The following ADAMTSL2 variants were observed in gnomAD, a reference collection of about 807,000 sequenced individuals.
ADAMTSL2 encodes the protein ADAMTS-like protein 2.
Under a neutral mutation model 117.0 loss-of-function variants are expected in ADAMTSL2, and 55 were observed. The observed-to-expected ratio is 0.47, with a 90% CI of 0.38 to 0.59. ADAMTSL2 has a LOEUF of 0.59. Among genes scored for constraint, ADAMTSL2 ranks in the 20% least tolerant of loss-of-function variants. ADAMTSL2 has a pLI of 0.00. For synonymous variants in ADAMTSL2, 572 were observed against 566.4 expected, an observed-to-expected ratio of 1.01 and a Z score of -0.14; for missense variants, 1,182 against 1,354.5, an observed-to-expected ratio of 0.87 and a Z score of 2.00.
At position 133,558,110 on chromosome 9, in the gene ADAMTSL2, C is replaced by T. The variant is rs34361617; in HGVS notation, c.1649+2180C>T. On this transcript the variant is annotated intron_variant, in intron 11 of 18. Coordinates refer to ENST00000651351, the MANE Select transcript of ADAMTSL2 (RefSeq NM_014694.4). The surrounding 1 kb of genome is among the most constrained non-coding windows in gnomAD (Gnocchi z 4.3). ...GTTGACTCTTACCCTCCCCTCTTAGCCCCCCGCCCCAGGATATATTGAATT... is the reference window on the plus strand; with the variant it reads ...GTTGACTCTTACCCTCCCCTCTTAGTCCCCCGCCCCAGGATATATTGAATT... Among the ~76,000 whole-genome samples, 3 of 152,176 alleles carry T rather than the reference C, an allele frequency of 2.0e-5. No homozygotes were observed. The highest frequency in any genetic ancestry group is 2.1e-4 in the South Asian group (1 of 4,830).
chr9:133,571,125 A>ACCCTGAGG (rs1831096722), intron 17 of ADAMTSL2, among the ~76,000 whole-genome samples: 1 of 152,046 alleles, frequency 6.6e-6, no homozygotes, highest in South Asian at 2.1e-4. Flanking sequence ...GAGCCCTCCC[A>ACCCTGAGG]CCCTGAGGCC....
intron 9 of ADAMTSL2, among the ~76,000 whole-genome samples, chr9:133,551,239 C>T (rs898660487): frequency 5.9e-5 from 9 of 152,264 alleles, no homozygotes; most frequent in South Asian, 2.1e-4. Flanking sequence ...CAGGGCATGC[C>T]GACCCATCTC....
intron 10 of ADAMTSL2, 50 bp from the exon 11 acceptor site, chr9:133,555,508 C>A: frequency 6.2e-7 from 1 of 1,611,306 alleles, no homozygotes; most frequent in Non-Finnish European, 8.5e-7. Context: ...GCAGCCCTTG[C>A]CCCCAGGGCT....
At chr9:133,556,983 C>T (rs1830617345) in intron 11 of ADAMTSL2, among the ~76,000 whole-genome samples, 2 of 152,184 alleles carry the variant, frequency 1.3e-5, no homozygotes, top group Non-Finnish European at 2.9e-5. Flanking sequence ...GAGGCAGGCA[C>T]GGGCTCACTG....
At chr9:133,570,061 T>G (rs1380594796) in intron 16 of ADAMTSL2, among the ~76,000 whole-genome samples, 3 of 152,260 alleles carry the variant, frequency 2.0e-5, no homozygotes, top group Non-Finnish European at 4.4e-5. Context: ...TGTTTTCTGC[T>G]AAATTGATTT....
intron 9 of ADAMTSL2, among the ~76,000 whole-genome samples, chr9:133,549,606 A>G (rs1830436442): frequency 6.9e-6 from 1 of 145,160 alleles, no homozygotes; most frequent in South Asian, 2.2e-4. Flanking sequence ...GCTGGTCTCG[A>G]ACTCTAGGCC....
chr9:133,568,003 C>A (rs1361917146), intron 13 of ADAMTSL2, among the ~76,000 whole-genome samples: 4 of 152,236 alleles, frequency 2.6e-5, no homozygotes, highest in African/African-American at 9.6e-5. Flanking sequence ...TGTGACACAG[C>A]AGGGCACGAA....
chr9:133,568,260 G>A lies in ADAMTSL2; in HGVS notation c.1875-13G>A, dbSNP rs929937751. ...TGGGGGGGATCATTGAAGGCCATCC[G>A]CTCCCGGGGCAGGTGGGAGACGAGC... On this transcript the variant is annotated splice_polypyrimidine_tract_variant and intron_variant, in intron 13 of 18. Transcript: ENST00000651351. 1.2e-5 allele frequency: 18 copies of A among 1,554,272 alleles called. No individual in the cohort carries two copies. Among genetic ancestry groups the A allele is most frequent in the Middle Eastern group, 1.8e-4 (1 of 5,628 alleles).
intron 12 of ADAMTSL2, among the ~76,000 whole-genome samples, chr9:133,565,386 C>T (rs370622195): frequency 2.1e-4 from 32 of 152,298 alleles, no homozygotes; most frequent in African/African-American, 7.5e-4. Context: ...AGGCCTGCCG[C>T]GTTTCCACTC....
Position 133,558,737 on chromosome 9 carries a change from G to A in ADAMTSL2, c.1650-2461G>A, listed in dbSNP as rs1830662717. 6.6e-6 allele frequency among the ~76,000 whole-genome samples: 1 copy of A among 152,218 alleles called. No individual in the cohort carries two copies. Among genetic ancestry groups the A allele is most frequent in the East Asian group, 1.9e-4 (1 of 5,198 alleles). ...CAGCTCTGACTTTCACAGCTGAGAG[G>A]GGCAGTGACTTCCTTCCAGATGGAG... On this transcript the variant is annotated intron_variant, in intron 11 of 18. Coordinates refer to ENST00000651351, the MANE Select transcript of ADAMTSL2 (RefSeq NM_014694.4). This position sits in a 1 kb window ranked among gnomAD's most constrained non-coding sequence, Gnocchi z 4.3.
Position 133,555,806 on chromosome 9 carries a change from C to T in ADAMTSL2, c.1525C>T (p.Leu509=). Residue 509 remains leucine, a synonymous_variant, in exon 11 of 19, where the codon CTG becomes TTG. Transcript: ENST00000651351. ...GGAGAACGAGGGGGCTGGCCCTTAC[C>T]TGCTCAACGGGTCCTACCTGGAGCT... is the stretch of plus-strand genomic sequence containing the variant. ...YEENEGAGPY[L]LNGSYLELSS... 1 of 1,613,904 alleles carries T rather than the reference C, an allele frequency of 6.2e-7. No individual in the cohort carries two copies. The highest frequency in any genetic ancestry group is 1.3e-5 in the African/African-American group (1 of 75,070).
In ADAMTSL2 at chr9:133,555,845, G is replaced by A; in HGVS notation, c.1564G>A (p.Val522Ile). ...CTACCTGGAGCTGAGCAGCGACAGG[G>A]TTGCCAACAGCTCCTCCGAGGCCCC... ...GSYLELSSDR[V>I]ANSSSEAPFP... The change falls in exon 11 of 19, where the codon GTT (valine) becomes ATT (isoleucine). Residue 522 changes from valine (V) to isoleucine (I), a missense_variant. Physicochemically the swap from Val to Ile is conservative, Grantham distance 29. Coordinates refer to ENST00000651351, the MANE Select transcript of ADAMTSL2 (RefSeq NM_014694.4). 2 of 1,613,430 alleles carry A rather than the reference G, an allele frequency of 1.2e-6. No individual in the cohort carries two copies. Among genetic ancestry groups the A allele is most frequent in the Non-Finnish European group, 1.7e-6 (2 of 1,179,942 alleles).
chr9:133,551,469 G>A (rs555011281), intron 9 of ADAMTSL2, among the ~76,000 whole-genome samples: 2 of 152,316 alleles, frequency 1.3e-5, no homozygotes, highest in South Asian at 4.1e-4. Context: ...TGCTGGCGGA[G>A]CTGGTAGAAC....
chr9:133,554,784 C>T lies in ADAMTSL2; in HGVS notation c.1276+91C>T. On this transcript the variant is annotated intron_variant, in intron 10 of 18. Transcript: ENST00000651351. The surrounding 1 kb of genome is among the most constrained non-coding windows in gnomAD (Gnocchi z 5.2). ...GAAGGGGTCTCAGACCCTTTGCAGA[C>T]CTGCAGAGGAGGTTCCTAAGAGCTG... is the stretch of plus-strand genomic sequence containing the variant. The T allele has an allele frequency of 6.7e-6, 8 of 1,188,208 alleles. No homozygotes were observed. The highest frequency in any genetic ancestry group is 9.2e-6 in the Non-Finnish European group (8 of 869,426). 73.6% of individuals were successfully genotyped at this position (1,188,208 alleles called of 1,614,324 possible).
At chr9:133,532,747 T>C (rs935161213), upstream of ADAMTSL2, among the ~76,000 whole-genome samples, 2 of 152,110 alleles carry the variant, frequency 1.3e-5, no homozygotes, top group African/African-American at 4.8e-5. Context: ...CATGGCTCCC[T>C]GTGGGCCTCA....
rs62574223 is a variant in ADAMTSL2 at position 133,566,801 on chromosome 9, G to C, written c.1748-135G>C. 0.12 allele frequency: 147,717 copies of C among 1,200,194 alleles called. 10,673 individuals are homozygous for C. Among genetic ancestry groups the C allele is most frequent in the Middle Eastern group, 0.17 (926 of 5,348 alleles). The allele number at this position is 1,200,194 out of a possible 1,614,324, so 74.3% of individuals were successfully genotyped here. On this transcript the variant is annotated intron_variant, in intron 12 of 18. Coordinates refer to ENST00000651351, the MANE Select transcript of ADAMTSL2 (RefSeq NM_014694.4). ...ACAGTGCTGCCCTCATGCCACAGTT[G>C]CACAAGCTGTGACTGATCCCCAAGC...
At chr9:133,559,517 T>G (rs1366710553) in intron 11 of ADAMTSL2, among the ~76,000 whole-genome samples, 2 of 151,446 alleles carry the variant, frequency 1.3e-5, no homozygotes, top group African/African-American at 4.8e-5. Context: ...TGAATTTTTT[T>G]TTTTTTTTGT....
chr9:133,552,909 C>T lies in ADAMTSL2; in HGVS notation c.940-1448C>T, dbSNP rs1020758856. Among the ~76,000 whole-genome samples the T allele has an allele frequency of 1.9e-4, 29 of 152,350 alleles. No homozygotes were observed. The South Asian group carries it at 3.5e-3, about 18-fold the overall frequency. Reference sequence around the variant, plus strand: ...ATTTCTCCCCACGTTCTTACCAAGGCGCTAACTTCTTTGTCATGAGAGGAT... The same window carrying T: ...ATTTCTCCCCACGTTCTTACCAAGGTGCTAACTTCTTTGTCATGAGAGGAT... On this transcript the variant is annotated intron_variant, in intron 9 of 18. Transcript: ENST00000651351.
chr9:133,563,918 GGAGAGAGAGAGAGAGAGAGGGA>G (rs1830825622), intron 12 of ADAMTSL2, among the ~76,000 whole-genome samples: 1 of 1,496 alleles, frequency 6.7e-4, no homozygotes, highest in Non-Finnish European at 1.5e-3. Context: ...AGAGAGAGAG[GGAGAGAGAGAGAGAGAGAGGGA>G]GAGAGAGAGA....
Sources: gnomAD v4.1 joint callset for allele counts (sites outside exome capture counted in the v4.1 genomes callset) on GRCh38, gnomAD v4.1.1 for gene constraint, Gnocchi (gnomAD v3.1) non-coding constraint, MANE v1.5 for transcripts, NCBI Gene and HGNC (gene_info 2026-07-23, HGNC 2026-07-21) for gene names.